FA2H: variants seen among roughly 807,000 people sequenced by gnomAD.
FA2H encodes fatty acid alpha-hydroxylase.
FA2H carries 22 observed loss-of-function variants against 44.9 expected under a neutral mutation model. The observed-to-expected ratio is 0.49, with a 90% confidence interval of 0.35 to 0.70. The LOEUF (loss-of-function observed/expected upper bound fraction) is 0.70. FA2H is among the 30% of genes least tolerant of loss of function. The pLI is 0.01. For missense variants in FA2H, 501 were observed against 504.9 expected, an observed-to-expected ratio of 0.99 and a Z score of 0.07; for synonymous variants, 243 against 213.2, an observed-to-expected ratio of 1.14 and a Z score of -1.22.
chr16:74,733,102 A>G (rs1962105874), intron 2 of FA2H, among the ~76,000 whole-genome samples: 1 of 152,146 alleles, frequency 6.6e-6, no homozygotes, highest in South Asian at 2.1e-4. Flanking sequence ...CGAGCTCTGT[A>G]TCTAGCCTAC....
At chr16:74,717,793 C>G (rs1350917268) in intron 5 of FA2H, among the ~76,000 whole-genome samples, 1 of 152,178 alleles carries the variant, frequency 6.6e-6, no homozygotes, top group Admixed American at 6.5e-5. Flanking sequence ...CCCTGGGGCC[C>G]CAGAATGGCC....
chr16:74,769,705 G>A (rs557374241), intron 1 of FA2H, among the ~76,000 whole-genome samples: 2 of 152,298 alleles, frequency 1.3e-5, no homozygotes, highest in East Asian at 3.9e-4. Context: ...TATTTCTTTT[G>A]TGAAAAATGC....
In FA2H at chr16:74,750,761, C is replaced by CTGTGTGTGTGTGTGTGTGTGTGTG. The variant is rs55799456; in HGVS notation, c.271-10670_271-10647dup. 1.2e-3 allele frequency among the ~76,000 whole-genome samples: 166 copies of CTGTGTGTGTGTGTGTGTGTGTGTG among 141,656 alleles called. 3 individuals are homozygous for CTGTGTGTGTGTGTGTGTGTGTGTG. Among genetic ancestry groups the CTGTGTGTGTGTGTGTGTGTGTGTG allele is most frequent in the Middle Eastern group, 3.6e-3 (1 of 280 alleles). 92.9% of individuals were successfully genotyped at this position (141,656 alleles called of 152,430 possible). On this transcript the variant is annotated intron_variant, in intron 1 of 6. Coordinates refer to ENST00000219368, the MANE Select transcript of FA2H (RefSeq NM_024306.5). ...CAGGCCTATGTCCTCTTTTTTTTCA[C>CTGTGTGTGTGTGTGTGTGTGTGTG]TGTGTGTGTGTGTGTGTGTGTGTGT...
intron 1 of FA2H, among the ~76,000 whole-genome samples, chr16:74,741,804 A>ATCTG (rs1289445691): frequency 1.7e-5 from 1 of 57,844 alleles, no homozygotes; most frequent in Admixed American, 2.3e-4. Flanking sequence ...ATATATATAT[A>ATCTG]TATATGTGTG....
At chr16:74,765,178 CAA>C (rs1282222144) in intron 1 of FA2H, among the ~76,000 whole-genome samples, 2 of 146,498 alleles carry the variant, frequency 1.4e-5, no homozygotes, top group East Asian at 3.9e-4. Flanking sequence ...TTTTTTGATA[CAA>C]AGTCTCGCTC....
intron 5 of FA2H, among the ~76,000 whole-genome samples, chr16:74,717,934 G>A (rs1485148953): frequency 6.6e-6 from 1 of 152,228 alleles, no homozygotes; most frequent in East Asian, 1.9e-4. Flanking sequence ...CTGCAGAGCA[G>A]AGGCCAGGTG....
chr16:74,759,914 G>GT (rs1052122752), intron 1 of FA2H, among the ~76,000 whole-genome samples: 1 of 152,112 alleles, frequency 6.6e-6, no homozygotes, highest in Admixed American at 6.5e-5. Flanking sequence ...CCCATGGCAA[G>GT]TTTTTTTAGG....
intron 1 of FA2H, among the ~76,000 whole-genome samples, chr16:74,740,487 G>A (rs1962271148): frequency 6.6e-6 from 1 of 151,644 alleles, no homozygotes; most frequent in Non-Finnish European, 1.5e-5. Context: ...AGGCGTGGTG[G>A]TGCGCCCCTG....
At chr16:74,739,155 C>T (rs1425113060) in intron 2 of FA2H, among the ~76,000 whole-genome samples, 3 of 152,150 alleles carry the variant, frequency 2.0e-5, no homozygotes, top group Non-Finnish European at 4.4e-5. Context: ...CTCTTTATGG[C>T]GGTGGTGGGG....
chr16:74,744,561 C>G (rs1207746897), intron 1 of FA2H, among the ~76,000 whole-genome samples: 1 of 151,446 alleles, frequency 6.6e-6, no homozygotes, highest in Non-Finnish European at 1.5e-5. Flanking sequence ...AAGCAATCCT[C>G]ACACCTCAGC....
intron 2 of FA2H, among the ~76,000 whole-genome samples, chr16:74,736,888 C>G (rs1962193954): frequency 6.6e-6 from 1 of 152,090 alleles, no homozygotes; most frequent in Non-Finnish European, 1.5e-5. Flanking sequence ...GCTAGTGTGC[C>G]CAGAGGTGAC....
intron 2 of FA2H, among the ~76,000 whole-genome samples, chr16:74,728,090 ATTAC>A (rs2144618356): frequency 6.6e-6 from 1 of 152,230 alleles, no homozygotes; most frequent in East Asian, 1.9e-4. Context: ...TTTCTGGAAA[ATTAC>A]TTAACCTCTC....
rs553388483 is a variant in FA2H, at chr16:74,761,722, G to A, written c.270+12764C>T. On this transcript the variant is annotated intron_variant, in intron 1 of 6. Transcript: ENST00000219368. ...TAGGCAAAGTGTTCTCTCTTTGATG[G>A]TTAGAGGGTGCTATCATCCAACAAT... Among the ~76,000 whole-genome samples the A allele has an allele frequency of 5.9e-5, 9 of 152,258 alleles. No individual in the cohort carries two copies. The South Asian group carries it at 1.9e-3, about 32-fold the overall frequency.
chr16:74,722,012 C>T (rs1410577456), intron 4 of FA2H, among the ~76,000 whole-genome samples: 2 of 152,212 alleles, frequency 1.3e-5, no homozygotes, highest in African/African-American at 2.4e-5. Flanking sequence ...CAAGGGAAGC[C>T]CTGCATTGCC....
chr16:74,769,742 A>G, intron 1 of FA2H, among the ~76,000 whole-genome samples: 1 of 152,176 alleles, frequency 6.6e-6, no homozygotes, highest in Non-Finnish European at 1.5e-5. Flanking sequence ...AGTGGACTTC[A>G]TACTCTGCTA....
chr16:74,749,356 C>A (rs1465944554), intron 1 of FA2H, among the ~76,000 whole-genome samples: 1 of 151,964 alleles, frequency 6.6e-6, no homozygotes, highest in Non-Finnish European at 1.5e-5. Context: ...CCCCCGAAGC[C>A]CACCCACCCC....
chr16:74,726,724 T>C (rs375442552), intron 3 of FA2H, among the ~76,000 whole-genome samples: 12 of 152,294 alleles, frequency 7.9e-5, no homozygotes, highest in African/African-American at 2.6e-4. Context: ...CTCAACTGGA[T>C]TGGGGACAAG....
intron 1 of FA2H, among the ~76,000 whole-genome samples, chr16:74,748,513 C>T (rs919422581): frequency 6.6e-6 from 1 of 152,082 alleles, no homozygotes; most frequent in Non-Finnish European, 1.5e-5. Flanking sequence ...GGGGAGCACA[C>T]AGCAGCCCAC....
chr16:74,758,673 C>G (rs1962656756), intron 1 of FA2H, among the ~76,000 whole-genome samples: 1 of 152,056 alleles, frequency 6.6e-6, no homozygotes, highest in Non-Finnish European at 1.5e-5. Flanking sequence ...CACCTGTAAT[C>G]CCAGCACTTT....
Sources: gnomAD v4.1 joint callset for allele counts (sites outside exome capture counted in the v4.1 genomes callset) on GRCh38, gnomAD v4.1.1 for gene constraint, MANE v1.5 for transcripts, NCBI Gene and HGNC (gene_info 2026-07-23, HGNC 2026-07-21) for gene names.